PRKG1: variants seen among roughly 807,000 people sequenced by gnomAD.
PRKG1 encodes cGMP-dependent protein kinase 1.
In PRKG1, 35 loss-of-function variants were observed where a neutral mutation model predicts 88.1. The ratio of observed to expected loss-of-function variants is 0.40; its 90% CI spans 0.30 to 0.53. PRKG1 has a LOEUF of 0.53. PRKG1 is among the 20% of genes least tolerant of loss of function. PRKG1 has a pLI of 0.59. For missense variants in PRKG1, 540 were observed against 839.8 expected, an observed-to-expected ratio of 0.64 and a Z score of 4.41; for synonymous variants, 303 against 292.5, an observed-to-expected ratio of 1.04 and a Z score of -0.37.
Position 51,433,075 on chromosome 10 carries a change from C to A in PRKG1, c.479-34648C>A, listed in dbSNP as rs559986365. On this transcript the variant is annotated intron_variant, in intron 2 of 17. Transcript: ENST00000373980. The stretch of plus-strand genomic sequence containing the variant: ...TTATGAGCTAAGAGAACATAGCACG[C>A]AGTGGATTCTTGATGCATGTCTTCT... Among the ~76,000 whole-genome samples the A allele has an allele frequency of 5.3e-5, 8 of 152,156 alleles. No homozygotes were observed. In the South Asian group the frequency reaches 1.7e-3, roughly 32 times the overall value.
intron 3 of PRKG1, among the ~76,000 whole-genome samples, chr10:51,645,478 T>C (rs185434356): frequency 6.6e-6 from 1 of 152,224 alleles, no homozygotes; most frequent in Non-Finnish European, 1.5e-5. Context: ...TGCTGGGAAA[T>C]ACACAATAGC....
At chr10:51,879,476 T>C (rs542905147) in intron 4 of PRKG1, among the ~76,000 whole-genome samples, 1 of 152,250 alleles carries the variant, frequency 6.6e-6, no homozygotes, top group East Asian at 1.9e-4. Flanking sequence ...TAAAGTGCTG[T>C]AAGAGCCTGA....
chr10:51,054,383 A>G (rs764807548), intron 1 of PRKG1, among the ~76,000 whole-genome samples: 1 of 152,220 alleles, frequency 6.6e-6, no homozygotes, highest in Admixed American at 6.5e-5. Context: ...AAAGTTCAAC[A>G]CTTATTTTGA....
intron 3 of PRKG1, among the ~76,000 whole-genome samples, chr10:51,570,458 C>T (rs1207258579): frequency 6.6e-6 from 1 of 151,908 alleles, no homozygotes; most frequent in Non-Finnish European, 1.5e-5. Context: ...TTCATCCTCA[C>T]TGCCTTCAAA....
chr10:51,121,899 T>C (rs1238879280), intron 1 of PRKG1, among the ~76,000 whole-genome samples: 1 of 152,180 alleles, frequency 6.6e-6, no homozygotes, highest in Admixed American at 6.6e-5. Flanking sequence ...AATGGCATAG[T>C]ATTAAGGAAC....
At chr10:51,712,373 C>A (rs967931229) in intron 3 of PRKG1, among the ~76,000 whole-genome samples, 1 of 152,062 alleles carries the variant, frequency 6.6e-6, no homozygotes, top group Non-Finnish European at 1.5e-5. Context: ...TGAGAGTGAT[C>A]TTCCTGTTTC....
chr10:51,646,253 T>A lies in PRKG1; in HGVS notation c.593-158332T>A, dbSNP rs373507897. Among the ~76,000 whole-genome samples, 90 of 152,286 alleles carry A rather than the reference T, an allele frequency of 5.9e-4. 1 individual carries two copies. In the East Asian group the frequency reaches 0.016, roughly 28 times the overall value. ...GAGCAAGCTACCTAATTATTTTAGA[T>A]CTCAGTTTTCTTAATCTGTAAAATA... On this transcript the variant is annotated intron_variant, in intron 3 of 17. Coordinates refer to ENST00000373980, the MANE Select transcript of PRKG1 (RefSeq NM_006258.4).
rs576535855 is a variant in PRKG1, at chr10:51,211,652, A to G, written c.478+58322A>G. On this transcript the variant is annotated intron_variant, in intron 2 of 17. Transcript: ENST00000373980. ...ACAAAATCAATGTACAAAAATCACA[A>G]GCATTCTTATACACCAATAACAGAC... is the stretch of plus-strand genomic sequence containing the variant. 2.4e-3 allele frequency among the ~76,000 whole-genome samples: 371 copies of G among 152,320 alleles called. 1 individual carries two copies. Among genetic ancestry groups the G allele is most frequent in the African/African-American group, 8.4e-3 (350 of 41,578 alleles).
chr10:52,168,877 C>A (rs994326158), intron 9 of PRKG1, among the ~76,000 whole-genome samples: 1 of 152,010 alleles, frequency 6.6e-6, no homozygotes, highest in Non-Finnish European at 1.5e-5. Context: ...TTATATGGTT[C>A]CCAGGTTTGG....
At chr10:51,019,243 A>G (rs538326758) in intron 1 of PRKG1, among the ~76,000 whole-genome samples, 23 of 152,344 alleles carry the variant, frequency 1.5e-4, no homozygotes, top group African/African-American at 4.8e-4. Context: ...ATGATTTTAT[A>G]TAATAAAGAT....
intron 3 of PRKG1, among the ~76,000 whole-genome samples, chr10:51,590,408 T>A (rs1438671121): frequency 1.3e-5 from 2 of 152,184 alleles, no homozygotes; most frequent in Non-Finnish European, 2.9e-5. Flanking sequence ...CTTTCCCCAT[T>A]GTATGCCATC....
Position 51,934,271 on chromosome 10 carries a change from G to A in PRKG1, c.762+26701G>A, listed in dbSNP as rs866537927. Reference sequence around the variant, plus strand: ...ACACACATACCCCCCCCCCAACACCGCCCACACACACGCACAGATTTTTCA... The same window carrying A: ...ACACACATACCCCCCCCCCAACACCACCCACACACACGCACAGATTTTTCA... On this transcript the variant is annotated intron_variant, in intron 5 of 17. Transcript: ENST00000373980. Among the ~76,000 whole-genome samples the A allele has an allele frequency of 4.9e-3, 684 of 139,842 alleles. 8 individuals carry two copies. Among genetic ancestry groups the A allele is most frequent in the African/African-American group, 0.017 (646 of 38,272 alleles). 91.7% of individuals were successfully genotyped at this position (139,842 alleles called of 152,430 possible).
intron 7 of PRKG1, among the ~76,000 whole-genome samples, chr10:52,121,560 A>G (rs978470437): frequency 1.3e-5 from 2 of 152,158 alleles, no homozygotes; most frequent in Non-Finnish European, 1.5e-5. Context: ...CTGCTTAGCT[A>G]TTTCTTCTGC....
chr10:52,009,044 A>G (rs568271937), intron 5 of PRKG1, among the ~76,000 whole-genome samples: 1 of 152,312 alleles, frequency 6.6e-6, no homozygotes, highest in South Asian at 2.1e-4. Flanking sequence ...AATAAAAGCC[A>G]TCTATGACAA....
At chr10:52,175,188 A>T (rs1838830019) in intron 9 of PRKG1, among the ~76,000 whole-genome samples, 2 of 151,882 alleles carry the variant, frequency 1.3e-5, no homozygotes, top group South Asian at 4.2e-4. Context: ...TTTTAATTCT[A>T]TGTGATCAAT....
intron 4 of PRKG1, among the ~76,000 whole-genome samples, chr10:51,855,055 T>C (rs1187162295): frequency 2.0e-5 from 3 of 152,212 alleles, no homozygotes; most frequent in African/African-American, 4.8e-5. Context: ...GTTTCTTAAA[T>C]AGTGCAATTC....
At chr10:52,120,585 A>T (rs1336124972) in intron 7 of PRKG1, among the ~76,000 whole-genome samples, 1 of 152,204 alleles carries the variant, frequency 6.6e-6, no homozygotes, top group Non-Finnish European at 1.5e-5. Context: ...GCAAGAAGAA[A>T]GGGGTAACTG....
chr10:51,028,542 T>G (rs1843239707), intron 1 of PRKG1, among the ~76,000 whole-genome samples: 1 of 150,014 alleles, frequency 6.7e-6, no homozygotes, highest in Admixed American at 6.7e-5. Flanking sequence ...ATAATCTGCC[T>G]AATTTTATTG....
chr10:52,256,809 C>G lies in PRKG1; in HGVS notation c.1173+5143C>G, dbSNP rs761153705. Among the ~76,000 whole-genome samples, 18 of 139,062 alleles carry G rather than the reference C, an allele frequency of 1.3e-4. 6 individuals are homozygous for G. Among genetic ancestry groups the G allele is most frequent in the Non-Finnish European group, 1.9e-4 (12 of 61,552 alleles). 91.2% of individuals were successfully genotyped at this position (139,062 alleles called of 152,430 possible). A position where few individuals can be genotyped will look rare whatever the true frequency, so the allele number is the denominator to read the frequency against. On this transcript the variant is annotated intron_variant, in intron 10 of 17. Transcript: ENST00000373980. Reference sequence around the variant, plus strand: ...TCTTCAAATGACCTTCAGTGATAACCTCTATTAAATTTCTCCAGACCACTA... The same window carrying G: ...TCTTCAAATGACCTTCAGTGATAACGTCTATTAAATTTCTCCAGACCACTA...
Sources: gnomAD v4.1 joint callset for allele counts (sites outside exome capture counted in the v4.1 genomes callset) on GRCh38, gnomAD v4.1.1 for gene constraint, MANE v1.5 for transcripts, NCBI Gene and HGNC (gene_info 2026-07-23, HGNC 2026-07-21) for gene names.